The following SPTBN2 variants were observed in gnomAD, a reference collection of about 807,000 sequenced individuals.
SPTBN2 encodes spectrin beta chain, non-erythrocytic 2.
Under a neutral mutation model 284.2 loss-of-function variants are expected in SPTBN2, and 107 were observed. The ratio of observed to expected loss-of-function variants is 0.38; its 90% CI spans 0.32 to 0.44. The LOEUF (loss-of-function observed/expected upper bound fraction) is 0.44, where lower values mean the gene tolerates loss of function less well. Among genes scored for constraint, SPTBN2 ranks in the 20% least tolerant of loss-of-function variants. The probability of loss-of-function intolerance (pLI) is 1.00; values close to 1 mark genes in which losing one functional copy is unlikely to be tolerated. For missense variants in SPTBN2, 2,569 were observed against 3,287.1 expected (o/e 0.78, Z 5.34); for synonymous variants, 1,289 against 1,354.8 (o/e 0.95, Z 1.07).
In SPTBN2 at chr11:66,707,521, T is replaced by C. The variant is rs1415177121; in HGVS notation, c.1648A>G (p.Met550Val). Residue 550 changes from methionine (M) to valine (V), a missense_variant, in exon 13 of 38, where the codon ATG (methionine) becomes GTG (valine). Transcript: ENST00000533211. The surrounding 1 kb of genome is among the most constrained non-coding windows in gnomAD (Gnocchi z 4.9). The part of the protein sequence containing the change: ...LLYLMDWMEE[M>V]KGRLQSQDLG... ...CCAGCACGCCTCACTGGTACCTTCA[T>C]CTCTTCCATCCAGTCCATGAGGTAG... 1 of 1,602,686 alleles carries C rather than the reference T, an allele frequency of 6.2e-7. No individual in the cohort carries two copies. Among genetic ancestry groups the C allele is most frequent in the Non-Finnish European group, 8.5e-7 (1 of 1,175,222 alleles).
chr11:66,692,646 G>A lies in SPTBN2; in HGVS notation c.5080C>T (p.Leu1694Phe). ...TCGCGGCGGAGCTGGCACAGCCGGA[G>A]GTGCTCCTGCAGGCGCTCCCGCCGC... ...GERRERLQEH[L>F]RLCQLRRELD... The change falls in exon 26 of 38, where the codon CTC (leucine) becomes TTC (phenylalanine). Residue 1694 changes from leucine (L) to phenylalanine (F), a missense_variant. Physicochemically the swap from Leu to Phe is conservative, Grantham distance 22 (BLOSUM62 0). Transcript: ENST00000533211. 1.2e-6 allele frequency: 2 copies of A among 1,605,374 alleles called. No homozygotes were observed. The highest frequency in any genetic ancestry group is 1.7e-6 in the Non-Finnish European group (2 of 1,179,938).
At chr11:66,726,407 T>G (rs190024891) in intron 1 of SPTBN2, among the ~76,000 whole-genome samples, 1 of 152,316 alleles carries the variant, frequency 6.6e-6, no homozygotes, top group African/African-American at 2.4e-5. Flanking sequence ...GAATGTGCAT[T>G]TCTAACCTGT....
chr11:66,733,399 G>A (rs1238235449), upstream of SPTBN2, among the ~76,000 whole-genome samples: 1 of 152,170 alleles, frequency 6.6e-6, no homozygotes, highest in African/African-American at 2.4e-5. Context: ...ACCAGATGTG[G>A]TGATGGGATA....
intron 1 of SPTBN2, among the ~76,000 whole-genome samples, chr11:66,737,022 T>C (rs900479868): frequency 1.3e-5 from 2 of 152,230 alleles, no homozygotes; most frequent in Non-Finnish European, 2.9e-5. Flanking sequence ...AAATCAGGGA[T>C]AATTTTACAG....
rs1195963291 is a variant in SPTBN2 at position 66,707,126 on chromosome 11, C to T, written c.1653+390G>A. Among the ~76,000 whole-genome samples the T allele has an allele frequency of 1.3e-5, 2 of 152,254 alleles. No homozygotes were observed. The highest frequency in any genetic ancestry group is 1.3e-4 in the Admixed American group (2 of 15,284). ...GCTGATCCAGGCCGAGGGCCTGTGC[C>T]GGCTGTTCCTTCTGCCCGGAACATT... On this transcript the variant is annotated intron_variant, in intron 13 of 37. Transcript: ENST00000533211. The surrounding 1 kb of genome is among the most constrained non-coding windows in gnomAD (Gnocchi z 4.9).
upstream of SPTBN2, among the ~76,000 whole-genome samples, chr11:66,729,744 C>T (rs1811784767): frequency 6.6e-6 from 1 of 152,092 alleles, no homozygotes; most frequent in African/African-American, 2.4e-5. Context: ...GCTTCTACCA[C>T]GAAACTGGAA....
At chr11:66,694,499 T>C in intron 21 of SPTBN2, 136 bp from the exon 22 acceptor site, 1 of 880,938 alleles carries the variant, frequency 1.1e-6, no homozygotes, top group African/African-American at 1.7e-5. Flanking sequence ...CATCCCCTCA[T>C]GGGCTGGATC....
At position 66,699,554 on chromosome 11, in the gene SPTBN2, C is replaced by T; in HGVS notation, c.3628G>A (p.Ala1210Thr). 6.2e-7 allele frequency: 1 copy of T among 1,614,172 alleles called. No homozygotes were observed. Residue 1210 changes from alanine (A) to threonine (T), a missense_variant, in exon 18 of 38, where the codon GCC (alanine) becomes ACC (threonine). Physicochemically the swap from Ala to Thr is moderately conservative, Grantham distance 58 (BLOSUM62 0). Transcript: ENST00000533211. Reference sequence around the variant, plus strand: ...ATGAAGTCCTCCAGTTTTTTAATGGCAGCATCAGCAGCCTGGAGTGTCCCT... The same window carrying T: ...ATGAAGTCCTCCAGTTTTTTAATGGTAGCATCAGCAGCCTGGAGTGTCCCT... ...MPGTLQAADA[A>T]IKKLEDFMST...
At position 66,718,840 on chromosome 11, in the gene SPTBN2, C is replaced by A. The variant is rs141512159; in HGVS notation, c.157+2244G>T. ...CCTGGCTGCGGTGAGAGGAGACAGG[C>A]GGCTCCAGACAAACAGGTTGGACAG... is the stretch of plus-strand genomic sequence containing the variant. On this transcript the variant is annotated intron_variant, in intron 3 of 37. Coordinates refer to ENST00000533211, the MANE Select transcript of SPTBN2 (RefSeq NM_006946.4). The surrounding 1 kb of genome is among the most constrained non-coding windows in gnomAD (Gnocchi z 4.8). Among the ~76,000 whole-genome samples the A allele has an allele frequency of 9.9e-5, 15 of 152,218 alleles. No homozygotes were observed. Among genetic ancestry groups the A allele is most frequent in the African/African-American group, 2.9e-4 (12 of 41,456 alleles).
In SPTBN2 at chr11:66,696,547, G is replaced by A. The variant is rs1940924540; in HGVS notation, c.4015-7C>T. ...GGGTGAGCTCTCGCCCTTCCTGGAA[G>A]GCAGGACAGAAAATGTCAAAGTGCC... On this transcript the variant is annotated splice_region_variant and splice_polypyrimidine_tract_variant and intron_variant, in intron 20 of 37. Transcript: ENST00000533211. The A allele has an allele frequency of 1.2e-6, 2 of 1,610,274 alleles. No individual in the cohort carries two copies. Among genetic ancestry groups the A allele is most frequent in the Non-Finnish European group, 1.7e-6 (2 of 1,180,028 alleles).
intron 15 of SPTBN2, among the ~76,000 whole-genome samples, chr11:66,703,121 C>T (rs983474868): frequency 1.1e-4 from 17 of 151,592 alleles, no homozygotes; most frequent in Non-Finnish European, 1.8e-4. Context: ...TACTCTGTCA[C>T]CCAGGTTGGA....
chr11:66,688,204 C>T lies in SPTBN2; in HGVS notation c.6339G>A (p.Val2113=). The T allele has an allele frequency of 1.2e-6, 2 of 1,613,666 alleles. No homozygotes were observed. The highest frequency in any genetic ancestry group is 1.7e-6 in the Non-Finnish European group (2 of 1,180,032). The change falls in exon 32 of 38, where the codon GTG becomes GTA. Residue 2113 remains valine (V), a synonymous_variant. Coordinates refer to ENST00000533211, the MANE Select transcript of SPTBN2 (RefSeq NM_006946.4). The stretch of plus-strand genomic sequence containing the variant: ...TGGTGTCAGAAGCTGTCTGGCCGCC[C>T]ACCAGGTCCCCTGGAGGCACACTGG... ...PTASVPPGDL[V]GGQTASDTTW... is the part of the protein sequence containing the mutation.
At chr11:66,714,026 A>C in intron 7 of SPTBN2, 65 bp downstream of exon 7, 6 of 1,516,092 alleles carry the variant, frequency 4.0e-6, no homozygotes, top group Non-Finnish European at 5.5e-6. Flanking sequence ...CTGTCTCCAC[A>C]TGTGCACCCC....
rs766704893 is a variant in SPTBN2, at chr11:66,701,137, C to G, written c.2962G>C (p.Gly988Arg). The change falls in exon 17 of 38, where the codon GGC (glycine) becomes CGC (arginine). Residue 988 changes from glycine (G) to arginine (R), a missense_variant. Physicochemically the swap from Gly to Arg is moderately radical, Grantham distance 125. Transcript: ENST00000533211. Reference protein sequence around the residue: ...TKVIESTQGLGNDLAGVLALQ... With the variant: ...TKVIESTQGLRNDLAGVLALQ... ...GCCAGCACCCCAGCCAGATCGTTGC[C>G]TAGGCCCTGGGTGGACTCGATGACT... The G allele has an allele frequency of 6.2e-7, 1 of 1,613,172 alleles. No individual in the cohort carries two copies. The highest frequency in any genetic ancestry group is 2.2e-5 in the East Asian group (1 of 44,890).
At position 66,707,546 on chromosome 11, in the gene SPTBN2, G is replaced by C. The variant is rs1368916038; in HGVS notation, c.1623C>G (p.Leu541=). 1.9e-6 allele frequency: 3 copies of C among 1,610,116 alleles called. No individual in the cohort carries two copies. ...LELQKVFQDL[L]YLMDWMEEMK... ...TCTCTTCCATCCAGTCCATGAGGTA[G>C]AGCAGGTCCTGGAACACCTTCTGCA... Residue 541 remains leucine, a synonymous_variant, in exon 13 of 38, where the codon CTC becomes CTG. Coordinates refer to ENST00000533211, the MANE Select transcript of SPTBN2 (RefSeq NM_006946.4). This position sits in a 1 kb window ranked among gnomAD's most constrained non-coding sequence, Gnocchi z 4.9.
intron 1 of SPTBN2, among the ~76,000 whole-genome samples, chr11:66,744,208 C>T (rs1049195486): frequency 3.3e-5 from 5 of 152,158 alleles, no homozygotes; most frequent in Admixed American, 1.3e-4. Context: ...AGTATATGTC[C>T]CAAAAATTGC....
At position 66,685,482 on chromosome 11, in the gene SPTBN2, C is replaced by A; in HGVS notation, c.*389G>T. On this transcript the variant is annotated 3_prime_UTR_variant, in exon 38 of 38. Transcript: ENST00000533211. The surrounding 1 kb of genome is among the most constrained non-coding windows in gnomAD (Gnocchi z 4.4). ...CTGGCTGGTCTGAGGGGTGAGGAAC[C>A]AGAAGGCAGAAGGCGAGTGCCCTCG... The A allele has an allele frequency of 3.4e-6, 1 of 289,920 alleles. No homozygotes were observed. Among genetic ancestry groups the A allele is most frequent in the Non-Finnish European group, 6.8e-6 (1 of 147,392 alleles). 18.0% of individuals were successfully genotyped at this position (289,920 alleles called of 1,614,324 possible).
chr11:66,717,774 C>T (rs1413573862), intron 3 of SPTBN2, among the ~76,000 whole-genome samples: 1 of 152,144 alleles, frequency 6.6e-6, no homozygotes, highest in Non-Finnish European at 1.5e-5. Flanking sequence ...AAGCCAAGCA[C>T]CAGAAACCAA....
Position 66,699,387 on chromosome 11 carries a change from T to C in SPTBN2, c.3776+19A>G, listed in dbSNP as rs1219421895. 3 of 1,613,224 alleles carry C rather than the reference T, an allele frequency of 1.9e-6. No individual in the cohort carries two copies. Among genetic ancestry groups the C allele is most frequent in the East Asian group, 4.5e-5 (2 of 44,862 alleles). On this transcript the variant is annotated intron_variant, in intron 18 of 37. Transcript: ENST00000533211. ...ATTCCCCCCTGGGAACCCTAATTCA[T>C]GGACTGTCCTCATCAGACCTCCTCT...
Sources: allele counts gnomAD v4.1 joint callset (sites outside exome capture counted in the v4.1 genomes callset), GRCh38; gene constraint gnomAD v4.1.1; non-coding constraint Gnocchi (gnomAD v3.1); transcripts MANE v1.5; gene names NCBI Gene and HGNC (gene_info 2026-07-23, HGNC 2026-07-21).